The following OR10J1 variants were observed in gnomAD, a reference collection of about 807,000 sequenced individuals.
OR10J1 encodes olfactory receptor 10J1.
For missense variants in OR10J1, 474 were observed against 376.6 expected (o/e 1.26, Z -2.14); for synonymous variants, 202 against 143.8 (o/e 1.40, Z -2.89).
upstream of OR10J1, among the ~76,000 whole-genome samples, chr1:159,435,468 T>C (rs1655710319): frequency 6.6e-6 from 1 of 152,232 alleles, no homozygotes; most frequent in Admixed American, 6.5e-5. Context: ...AACTTATTTT[T>C]CCTATCAATA....
chr1:159,411,042 G>C, the OR10J1 span, among the ~76,000 whole-genome samples: 6 of 152,282 alleles, frequency 3.9e-5, no homozygotes, highest in East Asian at 1.2e-3. Context: ...GTTCTAGTTT[G>C]ATTGCACTGT....
chr1:159,412,908 A>T, the OR10J1 span, among the ~76,000 whole-genome samples: 1 of 151,874 alleles, frequency 6.6e-6, no homozygotes, highest in East Asian at 1.9e-4. Flanking sequence ...GCAACCTACA[A>T]CATGGGAGAA....
rs900970974 is a variant in OR10J1, at chr1:159,440,647, C to T, written c.856C>T (p.Pro286Ser). Residue 286 changes from proline (P) to serine (S), a missense_variant, in exon 1 of 1, where the codon CCT becomes TCT. By Grantham distance (74) the Pro-to-Ser change is moderately conservative. Coordinates refer to ENST00000423932, the MANE Select transcript of OR10J1 (RefSeq NM_012351.3). Reference protein sequence around the residue: ...TYTVITPLLNPVVYTLRNKEV... With the variant: ...TYTVITPLLNSVVYTLRNKEV... Reference sequence around the variant, plus strand: ...CACTGTCATCACTCCCCTACTGAACCCTGTGGTATACACCCTGAGAAATAA... The same window carrying T: ...CACTGTCATCACTCCCCTACTGAACTCTGTGGTATACACCCTGAGAAATAA... 6.2e-6 allele frequency: 10 copies of T among 1,613,862 alleles called. No individual in the cohort carries two copies. The Admixed American group carries it at 6.7e-5, about 11-fold the overall frequency.
chr1:159,402,514 G>A, the OR10J1 span, among the ~76,000 whole-genome samples: 1 of 151,882 alleles, frequency 6.6e-6, no homozygotes, highest in African/African-American at 2.4e-5. Flanking sequence ...ATTTACAATA[G>A]CCACACATAA....
chr1:159,436,416 C>T (rs969902235), upstream of OR10J1, among the ~76,000 whole-genome samples: 2 of 151,940 alleles, frequency 1.3e-5, no homozygotes, highest in African/African-American at 2.4e-5. Context: ...TATTGATTTC[C>T]CTCAAATGTC....
chr1:159,413,877 T>TA, the OR10J1 span, among the ~76,000 whole-genome samples: 6 of 151,602 alleles, frequency 4.0e-5, no homozygotes, highest in South Asian at 2.1e-4. Flanking sequence ...TAAATAAAAA[T>TA]AAAAAAATAT....
chr1:159,410,011 T>C, the OR10J1 span, among the ~76,000 whole-genome samples: 4 of 152,084 alleles, frequency 2.6e-5, no homozygotes, highest in Non-Finnish European at 4.4e-5. Flanking sequence ...TATTGATTTG[T>C]GTATATTGAA....
At chr1:159,437,920 C>T (rs865812014), upstream of OR10J1, 3 of 152,768 alleles carry the variant, frequency 2.0e-5, no homozygotes, top group African/African-American at 7.2e-5. Flanking sequence ...CTCTTGGTCA[C>T]CTTGCTCACC....
chr1:159,403,965 A>T, the OR10J1 span, among the ~76,000 whole-genome samples: 1 of 152,126 alleles, frequency 6.6e-6, no homozygotes, highest in African/African-American at 2.4e-5. Context: ...GTTTGCAACA[A>T]CATGAATGGA....
upstream of OR10J1, among the ~76,000 whole-genome samples, chr1:159,435,312 C>T (rs1655706081): frequency 6.6e-6 from 1 of 152,168 alleles, no homozygotes; most frequent in Admixed American, 6.6e-5. Flanking sequence ...GCCTCAGAGT[C>T]ACTGCAAGAA....
At chr1:159,422,182 G>A in the OR10J1 span, among the ~76,000 whole-genome samples, 3 of 152,084 alleles carry the variant, frequency 2.0e-5, no homozygotes, top group Non-Finnish European at 4.4e-5. Context: ...ACGGTGTGCC[G>A]AGTACTGGAG....
At chr1:159,426,885 T>C in the OR10J1 span, among the ~76,000 whole-genome samples, 2 of 151,952 alleles carry the variant, frequency 1.3e-5, no homozygotes, top group Non-Finnish European at 1.5e-5. Context: ...ACTTACTATA[T>C]GTTAACCATT....
the OR10J1 span, among the ~76,000 whole-genome samples, chr1:159,414,477 T>G: frequency 6.6e-6 from 1 of 152,160 alleles, no homozygotes; most frequent in African/African-American, 2.4e-5. Context: ...ACATTTACTT[T>G]GTACATTTGT....
chr1:159,411,216 A>G, the OR10J1 span, among the ~76,000 whole-genome samples: 12 of 152,044 alleles, frequency 7.9e-5, no homozygotes, highest in Non-Finnish European at 1.6e-4. Flanking sequence ...TATTAGGTTC[A>G]CTTGGTGCAG....
upstream of OR10J1, among the ~76,000 whole-genome samples, chr1:159,439,476 G>T (rs996194071): frequency 1.3e-5 from 2 of 152,128 alleles, no homozygotes; most frequent in African/African-American, 4.8e-5. Context: ...AGAAATAAGA[G>T]GAGAAAAGAG....
the OR10J1 span, chr1:159,406,547 T>C: frequency 5.5e-6 from 1 of 182,182 alleles, no homozygotes; most frequent in East Asian, 1.5e-4. Context: ...CTCTTGGGAA[T>C]AAACTAAGAG....
the OR10J1 span, among the ~76,000 whole-genome samples, chr1:159,428,099 T>C: frequency 6.6e-6 from 1 of 151,976 alleles, no homozygotes; most frequent in Non-Finnish European, 1.5e-5. Flanking sequence ...TAATAAAACA[T>C]GAAAAACATT....
At chr1:159,420,048 A>T in the OR10J1 span, among the ~76,000 whole-genome samples, 1 of 151,718 alleles carries the variant, frequency 6.6e-6, no homozygotes, top group African/African-American at 2.4e-5. Flanking sequence ...CCCATTGCTG[A>T]ATTTCTCTGT....
chr1:159,433,192 GTGAGAGGGACAA>G (rs1655633874), upstream of OR10J1: 1 of 398,036 alleles, frequency 2.5e-6, no homozygotes, highest in Non-Finnish European at 4.4e-6. Flanking sequence ...AGGTGTCACA[GTGAGAGGGACAA>G]TAAGATGAGA....
Sources: gnomAD v4.1 joint callset for allele counts (sites outside exome capture counted in the v4.1 genomes callset) on GRCh38, gnomAD v4.1.1 for gene constraint, MANE v1.5 for transcripts, NCBI Gene and HGNC (gene_info 2026-07-23, HGNC 2026-07-21) for gene names.